KCNQ3: variants seen among roughly 807,000 people sequenced by gnomAD.
KCNQ3 encodes potassium voltage-gated channel subfamily KQT member 3.
Under a neutral mutation model 92.5 loss-of-function variants are expected in KCNQ3, and 30 were observed. The ratio of observed to expected loss-of-function variants is 0.32; its 90% CI spans 0.24 to 0.44. The LOEUF is 0.44. Ranked by LOEUF, KCNQ3 falls within the 20% of genes least tolerant of loss-of-function variation. The pLI is 1.00. For missense variants in KCNQ3, 913 were observed against 1,140.3 expected (o/e 0.80, Z 2.87); for synonymous variants, 450 against 468.8 (o/e 0.96, Z 0.52).
At chr8:132,362,224 A>G (rs953947059) in intron 1 of KCNQ3, among the ~76,000 whole-genome samples, 4 of 152,314 alleles carry the variant, frequency 2.6e-5, no homozygotes, top group Middle Eastern at 3.4e-3. Context: ...GAAAAAATAA[A>G]CATACTTAAA....
At chr8:132,158,983 T>C (rs981484056) in intron 9 of KCNQ3, among the ~76,000 whole-genome samples, 1 of 152,286 alleles carries the variant, frequency 6.6e-6, no homozygotes, top group East Asian at 1.9e-4. Context: ...TCAGATTGAA[T>C]TGGTAGAAAA....
At chr8:132,158,929 C>T (rs1825892953) in intron 9 of KCNQ3, among the ~76,000 whole-genome samples, 1 of 152,130 alleles carries the variant, frequency 6.6e-6, no homozygotes, top group Non-Finnish European at 1.5e-5. Context: ...TTTTTTCCCT[C>T]TCCAAATATG....
intron 1 of KCNQ3, among the ~76,000 whole-genome samples, chr8:132,374,421 C>A (rs1819556571): frequency 6.6e-6 from 1 of 152,174 alleles, no homozygotes; most frequent in Non-Finnish European, 1.5e-5. Flanking sequence ...CTCCTCCACT[C>A]CCCGACCCAC....
chr8:132,174,219 C>G lies in KCNQ3; in HGVS notation c.1044+20G>C. The G allele has an allele frequency of 6.6e-7, 1 of 1,522,878 alleles. No individual in the cohort carries two copies. Among genetic ancestry groups the G allele is most frequent in the Middle Eastern group, 2.1e-4 (1 of 4,876 alleles). The allele number at this position is 1,522,878 out of a possible 1,614,324, so 94.3% of individuals were successfully genotyped here. A position where few individuals can be genotyped will look rare whatever the true frequency, so the allele number is the denominator to read the frequency against. On this transcript the variant is annotated intron_variant, in intron 6 of 14. Coordinates refer to ENST00000388996, the MANE Select transcript of KCNQ3 (RefSeq NM_004519.4). Reference sequence around the variant, plus strand: ...GTCCTGCACGTCACATTGGGGATGTCATATATCAAAGGTACTTACCGCTGG... The same window carrying G: ...GTCCTGCACGTCACATTGGGGATGTGATATATCAAAGGTACTTACCGCTGG...
chr8:132,144,284 G>A (rs369434345), intron 9 of KCNQ3, among the ~76,000 whole-genome samples: 118 of 152,336 alleles, frequency 7.7e-4, no homozygotes, highest in African/African-American at 2.8e-3. Context: ...GAGGCTTATG[G>A]AATTCTTCCT....
chr8:132,192,176 T>A (rs1827180478), intron 1 of KCNQ3, among the ~76,000 whole-genome samples: 1 of 152,162 alleles, frequency 6.6e-6, no homozygotes, highest in South Asian at 2.1e-4. Context: ...GCAGGGAGCC[T>A]GCGGAGCCCA....
intron 3 of KCNQ3, among the ~76,000 whole-genome samples, chr8:132,182,458 A>G (rs2130167990): frequency 6.6e-6 from 1 of 152,350 alleles, no homozygotes; most frequent in South Asian, 2.1e-4. Context: ...GGCAACACTA[A>G]GTAAGGACCG....
At chr8:132,281,653 G>A (rs969615212) in intron 1 of KCNQ3, among the ~76,000 whole-genome samples, 18 of 151,542 alleles carry the variant, frequency 1.2e-4, no homozygotes, top group Non-Finnish European at 1.8e-4. Flanking sequence ...AACAATCTCC[G>A]ACCTAGCCCC....
chr8:132,366,431 CA>C (rs994615248), intron 1 of KCNQ3, among the ~76,000 whole-genome samples: 2 of 151,926 alleles, frequency 1.3e-5, no homozygotes, highest in African/African-American at 4.8e-5. Context: ...TTCTTGCTTC[CA>C]ATTCCTTTCT....
chr8:132,131,933 C>T (rs1183840266), intron 14 of KCNQ3, among the ~76,000 whole-genome samples: 1 of 151,866 alleles, frequency 6.6e-6, no homozygotes, highest in African/African-American at 2.4e-5. Flanking sequence ...ACTAAAAATA[C>T]AAAAATTAGC....
At position 132,182,281 on chromosome 8, in the gene KCNQ3, T is replaced by C. The variant is rs1237046488; in HGVS notation, c.605-1952A>G. 2.6e-5 allele frequency among the ~76,000 whole-genome samples: 4 copies of C among 152,224 alleles called. No homozygotes were observed. The East Asian group carries it at 7.7e-4, about 29-fold the overall frequency. On this transcript the variant is annotated intron_variant, in intron 3 of 14. Coordinates refer to ENST00000388996, the MANE Select transcript of KCNQ3 (RefSeq NM_004519.4). ...ACACCAAGATGTGTAGTAAACACTA[T>C]GGTCTAAGACGCTCCATGAGGCAGT...
chr8:132,413,623 A>G (rs894545629), intron 1 of KCNQ3, among the ~76,000 whole-genome samples: 1 of 152,238 alleles, frequency 6.6e-6, no homozygotes, highest in Non-Finnish European at 1.5e-5. Flanking sequence ...AATGGATCCT[A>G]TAATTCCCAG....
rs1335822959 is a variant in KCNQ3 at position 132,127,250 on chromosome 8, G to GTT, written c.*2011_*2012insAA. 1.3e-5 allele frequency: 2 copies of GTT among 152,058 alleles called. No homozygotes were observed. Among genetic ancestry groups the GTT allele is most frequent in the Non-Finnish European group, 2.9e-5 (2 of 68,006 alleles). 9.4% of individuals were successfully genotyped at this position (152,058 alleles called of 1,614,324 possible). On this transcript the variant is annotated 3_prime_UTR_variant, in exon 15 of 15. Transcript: ENST00000388996. ...CATGTCTGATGCATTGAGCATTCTG[G>GTT]TATATTTCCCATCTCAGACTTCAAG...
chr8:132,330,674 A>G (rs1234442338), intron 1 of KCNQ3, among the ~76,000 whole-genome samples: 2 of 152,238 alleles, frequency 1.3e-5, no homozygotes, highest in Non-Finnish European at 2.9e-5. Flanking sequence ...GGAGCTGGGA[A>G]GTAAGTGAGA....
rs548006086 is a variant in KCNQ3 at position 132,346,979 on chromosome 8, C to T, written c.386+133168G>A. 3.3e-5 allele frequency among the ~76,000 whole-genome samples: 5 copies of T among 152,232 alleles called. No individual in the cohort carries two copies. In the South Asian group the frequency reaches 6.2e-4, roughly 19 times the overall value. On this transcript the variant is annotated intron_variant, in intron 1 of 14. Coordinates refer to ENST00000388996, the MANE Select transcript of KCNQ3 (RefSeq NM_004519.4). ...GCAGTCCAGGGCCCTGATGTTGTTT[C>T]GACGGCGTTGAATGGAACTCCTTCT...
At chr8:132,220,421 C>T (rs533146847) in intron 1 of KCNQ3, among the ~76,000 whole-genome samples, 3 of 152,146 alleles carry the variant, frequency 2.0e-5, no homozygotes, top group African/African-American at 7.2e-5. Context: ...TATTGAGCCT[C>T]GAGCTGATGG....
intron 1 of KCNQ3, among the ~76,000 whole-genome samples, chr8:132,327,894 T>C (rs796266346): frequency 2.0e-5 from 3 of 152,172 alleles, no homozygotes; most frequent in African/African-American, 7.2e-5. Flanking sequence ...GGACCCCACC[T>C]GTACTTGTAC....
chr8:132,431,109 C>A (rs1197060336), intron 1 of KCNQ3, among the ~76,000 whole-genome samples: 2 of 152,122 alleles, frequency 1.3e-5, no homozygotes, highest in African/African-American at 4.8e-5. Context: ...CCAAGCAGTG[C>A]CAAGCCCAGC....
chr8:132,184,504 A>C, intron 2 of KCNQ3, 137 bp from the exon 3 acceptor site: 1 of 509,580 alleles, frequency 2.0e-6, no homozygotes, highest in Non-Finnish European at 3.8e-6. Flanking sequence ...ATGGCTGGGG[A>C]TGGGGGTGGG....
Sources: allele counts gnomAD v4.1 joint callset (sites outside exome capture counted in the v4.1 genomes callset), GRCh38; gene constraint gnomAD v4.1.1; transcripts MANE v1.5; gene names NCBI Gene and HGNC (gene_info 2026-07-23, HGNC 2026-07-21).